CERS6: variants seen among roughly 807,000 people sequenced by gnomAD.
CERS6 encodes the protein LAG1 homolog, ceramide synthase 6.
CERS6 carries 26 observed loss-of-function variants against 56.8 expected under a neutral mutation model. That is an observed-to-expected ratio of 0.46 (90% CI 0.34 to 0.63). The LOEUF (loss-of-function observed/expected upper bound fraction) is 0.63. Among genes scored for constraint, CERS6 ranks in the 30% least tolerant of loss-of-function variants. The pLI is 0.01. For missense variants in CERS6, 415 were observed against 467.5 expected, an observed-to-expected ratio of 0.89 and a Z score of 1.04; for synonymous variants, 164 against 173.3, an observed-to-expected ratio of 0.95 and a Z score of 0.42.
chr2:168,766,734 G>C (rs771570527), intron 9 of CERS6, among the ~76,000 whole-genome samples: 1 of 152,218 alleles, frequency 6.6e-6, no homozygotes, highest in Non-Finnish European at 1.5e-5. Flanking sequence ...ACACATTGCA[G>C]AATGGAGGCC....
At chr2:168,646,170 GT>G (rs1685195703) in intron 4 of CERS6, among the ~76,000 whole-genome samples, 1 of 152,182 alleles carries the variant, frequency 6.6e-6, no homozygotes, top group South Asian at 2.1e-4. Flanking sequence ...GTGTGTAAGT[GT>G]TCCCCTTTCT....
chr2:168,669,867 G>A (rs1398918139), intron 4 of CERS6, among the ~76,000 whole-genome samples: 2 of 152,186 alleles, frequency 1.3e-5, no homozygotes, highest in Non-Finnish European at 2.9e-5. Flanking sequence ...TATAGGAACA[G>A]CAGATTTTCT....
At chr2:168,649,892 C>G (rs940168545) in intron 4 of CERS6, among the ~76,000 whole-genome samples, 1 of 152,084 alleles carries the variant, frequency 6.6e-6, no homozygotes, top group African/African-American at 2.4e-5. Flanking sequence ...CCCAAACTTA[C>G]TGTAAGCCCC....
Position 168,696,615 on chromosome 2 carries a change from G to C in CERS6, c.609+1564G>C, listed in dbSNP as rs1412488754. ...CGGTTCTAGAAGGTGAGGTGCCCCA[G>C]ATCAAGGCACCAGCAGATTCAGTGT... is the stretch of plus-strand genomic sequence containing the variant. On this transcript the variant is annotated intron_variant, in intron 6 of 9. Coordinates refer to ENST00000305747, the MANE Select transcript of CERS6 (RefSeq NM_203463.3). 1.3e-5 allele frequency among the ~76,000 whole-genome samples: 2 copies of C among 152,176 alleles called. 1 individual carries two copies. The highest frequency in any genetic ancestry group is 6.3e-3 in the Middle Eastern group (2 of 316).
intron 1 of CERS6, among the ~76,000 whole-genome samples, chr2:168,541,997 C>T (rs928241889): frequency 2.0e-4 from 30 of 152,260 alleles, no homozygotes; most frequent in South Asian, 1.0e-3. Context: ...CAGGGTAGAG[C>T]TGCAGAATAA....
At chr2:168,572,394 C>T (rs1696005395) in intron 3 of CERS6, among the ~76,000 whole-genome samples, 2 of 151,994 alleles carry the variant, frequency 1.3e-5, no homozygotes, top group Non-Finnish European at 2.9e-5. Flanking sequence ...AAGTTCTTCT[C>T]ACCCACAAAT....
chr2:168,629,897 G>A (rs1256657271), intron 3 of CERS6, among the ~76,000 whole-genome samples: 1 of 151,170 alleles, frequency 6.6e-6, no homozygotes, highest in Non-Finnish European at 1.5e-5. Flanking sequence ...CTCACTGCAA[G>A]CTCCACCTCC....
Position 168,476,841 on chromosome 2 carries a change from T to G in CERS6, c.170+20223T>G, listed in dbSNP as rs143214464. On this transcript the variant is annotated intron_variant, in intron 1 of 9. Coordinates refer to ENST00000305747, the MANE Select transcript of CERS6 (RefSeq NM_203463.3). ...CATATTGAGGGCAGATCTTCCCCAT[T>G]TAATTTGCTCAGAGTCACATACTAA... Among the ~76,000 whole-genome samples, 447 of 152,118 alleles carry G rather than the reference T, an allele frequency of 2.9e-3. 3 individuals are homozygous for G. Among genetic ancestry groups the G allele is most frequent in the Non-Finnish European group, 4.9e-3 (333 of 67,980 alleles).
chr2:168,740,343 G>T (rs1222096948), intron 8 of CERS6, among the ~76,000 whole-genome samples: 2 of 152,050 alleles, frequency 1.3e-5, no homozygotes, highest in Admixed American at 6.6e-5. Context: ...AAATATTAAG[G>T]CCATTCTAAT....
chr2:168,638,461 T>C (rs906851268), intron 4 of CERS6, among the ~76,000 whole-genome samples: 1 of 152,024 alleles, frequency 6.6e-6, no homozygotes, highest in Non-Finnish European at 1.5e-5. Context: ...TAAAACACAT[T>C]ACCCCCAAAA....
intron 4 of CERS6, among the ~76,000 whole-genome samples, chr2:168,633,518 C>G (rs939747897): frequency 6.6e-6 from 1 of 152,154 alleles, no homozygotes; most frequent in Non-Finnish European, 1.5e-5. Context: ...CCAGAGCTCT[C>G]TCCAGTTGGC....
chr2:168,546,937 T>G (rs1414605818), intron 1 of CERS6, among the ~76,000 whole-genome samples: 1 of 152,240 alleles, frequency 6.6e-6, no homozygotes, highest in Non-Finnish European at 1.5e-5. Context: ...CCCATTCCTC[T>G]TGACGTAGGC....
intron 8 of CERS6, among the ~76,000 whole-genome samples, chr2:168,732,748 A>T (rs557557583): frequency 3.4e-4 from 51 of 152,158 alleles, no homozygotes; most frequent in African/African-American, 1.2e-3. Context: ...CCCTTTTTTT[A>T]AAACTTGCTC....
intron 4 of CERS6, chr2:168,644,350 T>C (rs1685121546): frequency 1.0e-6 from 1 of 984,948 alleles, no homozygotes; most frequent in Non-Finnish European, 1.2e-6. Context: ...AAGAGTTGTG[T>C]TTGGGGATGG....
chr2:168,518,536 T>C (rs1694922751), intron 1 of CERS6, among the ~76,000 whole-genome samples: 1 of 152,184 alleles, frequency 6.6e-6, no homozygotes, highest in Admixed American at 6.5e-5. Context: ...TCCTGCCTCC[T>C]GCCTCTCCTT....
chr2:168,502,591 A>C (rs1415466404), intron 1 of CERS6, among the ~76,000 whole-genome samples: 1 of 152,224 alleles, frequency 6.6e-6, no homozygotes, highest in Non-Finnish European at 1.5e-5. Context: ...AGAGGGCCAA[A>C]ACAAAATCTT....
intron 4 of CERS6, among the ~76,000 whole-genome samples, chr2:168,633,753 TCAAAA>T (rs897932689): frequency 2.0e-5 from 3 of 152,160 alleles, no homozygotes; most frequent in African/African-American, 7.2e-5. Context: ...TCAGAAATAA[TCAAAA>T]CAAGGTAATT....
At chr2:168,481,565 A>T (rs1436088397) in intron 1 of CERS6, among the ~76,000 whole-genome samples, 1 of 152,210 alleles carries the variant, frequency 6.6e-6, no homozygotes, top group Non-Finnish European at 1.5e-5. Context: ...CACTGAATAG[A>T]GTGAATAAAG....
At chr2:168,466,370 T>C (rs1007452630) in intron 1 of CERS6, among the ~76,000 whole-genome samples, 1 of 152,140 alleles carries the variant, frequency 6.6e-6, no homozygotes, top group East Asian at 1.9e-4. Flanking sequence ...GATAAAACTC[T>C]CCTTAGCAGC....
Sources: allele counts gnomAD v4.1 joint callset (sites outside exome capture counted in the v4.1 genomes callset), GRCh38; gene constraint gnomAD v4.1.1; transcripts MANE v1.5; gene names NCBI Gene and HGNC (gene_info 2026-07-23, HGNC 2026-07-21).